The following PCDHA12 variants were observed in gnomAD, a reference collection of about 807,000 sequenced individuals.
PCDHA12 encodes protocadherin alpha-12.
Under a neutral mutation model 60.0 loss-of-function variants are expected in PCDHA12, and 44 were observed. The observed-to-expected ratio is 0.73, with a 90% CI of 0.58 to 0.94. The LOEUF is 0.94. PCDHA12 is among the 40% of genes least tolerant of loss of function. PCDHA12 has a pLI of 0.00. For missense variants in PCDHA12, 1,276 were observed against 1,239.7 expected (o/e 1.03, Z -0.44); for synonymous variants, 569 against 553.0 (o/e 1.03, Z -0.40).
Position 140,877,178 on chromosome 5 carries a change from C to A in PCDHA12, c.1706C>A (p.Pro569Gln), listed in dbSNP as rs370071106. 34 of 1,613,676 alleles carry A rather than the reference C, an allele frequency of 2.1e-5. No individual in the cohort carries two copies. Among genetic ancestry groups the A allele is most frequent in the Middle Eastern group, 1.7e-4 (1 of 6,058 alleles). ...NDNAPALLAT[P>Q]AGSAGGAVSE... ...AACGCGCCGGCACTGCTGGCGACTC[C>A]GGCTGGCAGCGCAGGAGGCGCAGTT... The change falls in exon 1 of 4, where the codon CCG (proline) becomes CAG (glutamine). Residue 569 changes from proline to glutamine, a missense_variant. Pro to Gln is a moderately conservative substitution (Grantham distance 76, BLOSUM62 -1). Coordinates refer to ENST00000398631, the MANE Select transcript of PCDHA12 (RefSeq NM_018903.4).
At chr5:140,953,124 A>G (rs1554220816) in intron 1 of PCDHA12, among the ~76,000 whole-genome samples, 1 of 152,150 alleles carries the variant, frequency 6.6e-6, no homozygotes, top group African/African-American at 2.4e-5. Flanking sequence ...ACAGATCTAA[A>G]CCGTATCACT....
At chr5:140,882,601 C>G (rs1322989069) in intron 1 of PCDHA12, 1 of 1,614,144 alleles carries the variant, frequency 6.2e-7, no homozygotes, top group Admixed American at 1.7e-5. Flanking sequence ...TGATCGTGGA[C>G]AGGCCTCTGC....
chr5:140,879,227 T>C (rs1474080938), intron 1 of PCDHA12, among the ~76,000 whole-genome samples: 5 of 152,126 alleles, frequency 3.3e-5, no homozygotes, highest in Admixed American at 6.5e-5. Flanking sequence ...GAAAAAGACA[T>C]ATACAAGAGG....
chr5:140,877,243 G>A lies in PCDHA12; in HGVS notation c.1771G>A (p.Val591Met), dbSNP rs201483899. Reference protein sequence around the residue: ...VPRSVGAGHVVAKVRAVDADS... With the variant: ...VPRSVGAGHVMAKVRAVDADS... ...GCGGTCGGTGGGTGCGGGCCACGTG[G>A]TGGCGAAAGTGCGCGCGGTGGACGC... The change falls in exon 1 of 4, where the codon GTG (valine) becomes ATG (methionine). Residue 591 changes from valine (V) to methionine (M), a missense_variant. Val to Met is a conservative substitution (Grantham distance 21). Transcript: ENST00000398631. The A allele has an allele frequency of 1.2e-5, 20 of 1,613,724 alleles. No individual in the cohort carries two copies. In the African/African-American group the frequency reaches 2.7e-4, roughly 22 times the overall value.
intron 1 of PCDHA12, among the ~76,000 whole-genome samples, chr5:140,970,092 A>C (rs1554232243): frequency 6.6e-6 from 1 of 151,978 alleles, no homozygotes; most frequent in East Asian, 1.9e-4. Context: ...GTGTGGGGGG[A>C]TGGTGAAGAC....
At chr5:140,920,923 G>C (rs1229531762) in intron 1 of PCDHA12, among the ~76,000 whole-genome samples, 5 of 151,200 alleles carry the variant, frequency 3.3e-5, no homozygotes, top group African/African-American at 1.2e-4. Flanking sequence ...TCCAAGAGTA[G>C]GTGATCTAGC....
At chr5:140,963,530 A>T (rs1031416091) in intron 1 of PCDHA12, among the ~76,000 whole-genome samples, 29 of 152,216 alleles carry the variant, frequency 1.9e-4, no homozygotes, top group African/African-American at 6.8e-4. Context: ...CAGAAGTCCC[A>T]TTTACTTCAT....
chr5:140,981,141 A>G (rs957272254), intron 2 of PCDHA12, among the ~76,000 whole-genome samples: 2 of 152,242 alleles, frequency 1.3e-5, no homozygotes, highest in African/African-American at 4.8e-5. Flanking sequence ...AAAGAGTGAG[A>G]AAACATTGAA....
At chr5:140,913,862 T>G (rs1554196081) in intron 1 of PCDHA12, among the ~76,000 whole-genome samples, 1 of 152,218 alleles carries the variant, frequency 6.6e-6, no homozygotes, top group African/African-American at 2.4e-5. Flanking sequence ...GCATATTGTT[T>G]AATTTCCATG....
In PCDHA12 at chr5:141,005,071, G is replaced by A. The variant is rs115656219; in HGVS notation, c.2516-4556G>A. On this transcript the variant is annotated intron_variant, in intron 3 of 3. Coordinates refer to ENST00000398631, the MANE Select transcript of PCDHA12 (RefSeq NM_018903.4). ...TACTGAATTCTTGCATTGTGCTAAG[G>A]ATCAAGCTTAGTACTTTACATGCAT... 5.2e-3 allele frequency among the ~76,000 whole-genome samples: 796 copies of A among 152,278 alleles called. 8 individuals are homozygous for A. The highest frequency in any genetic ancestry group is 0.018 in the African/African-American group (745 of 41,556).
intron 1 of PCDHA12, among the ~76,000 whole-genome samples, chr5:140,943,803 G>A (rs1429767850): frequency 6.6e-6 from 1 of 152,214 alleles, no homozygotes; most frequent in Non-Finnish European, 1.5e-5. Flanking sequence ...AAGCAAAAGA[G>A]GAAAGTTTGA....
At chr5:140,918,111 C>A (rs1035723043) in intron 1 of PCDHA12, among the ~76,000 whole-genome samples, 1 of 152,016 alleles carries the variant, frequency 6.6e-6, no homozygotes, top group Admixed American at 6.6e-5. Flanking sequence ...CTTTCACATC[C>A]TTGATTAGCC....
chr5:140,921,974 T>G lies in PCDHA12; in HGVS notation c.2367+44135T>G, dbSNP rs184369031. Among the ~76,000 whole-genome samples the G allele has an allele frequency of 1.1e-3, 161 of 151,826 alleles. 2 individuals are homozygous for G. The highest frequency in any genetic ancestry group is 2.1e-3 in the Non-Finnish European group (141 of 67,922). The stretch of plus-strand genomic sequence containing the variant: ...AATCCCAGAAAACCAAAGGAAAAAA[T>G]AGAACTAAAAAAGAGTTCAATGAAA... On this transcript the variant is annotated intron_variant, in intron 1 of 3. Transcript: ENST00000398631.
chr5:140,876,433 A>G lies in PCDHA12; in HGVS notation c.961A>G (p.Asn321Asp), dbSNP rs1562712994. 19 of 1,614,000 alleles carry G rather than the reference A, an allele frequency of 1.2e-5. No individual in the cohort carries two copies. The highest frequency in any genetic ancestry group is 1.6e-5 in the Non-Finnish European group (19 of 1,179,910). Residue 321 changes from asparagine to aspartate, a missense_variant, in exon 1 of 4, where the codon AAC becomes GAC. Transcript: ENST00000398631. ...EENNAYEIQV[N>D]AIDKGIPSMA... ...GAATAATGCCTATGAAATTCAGGTTAACGCCATTGATAAAGGGATTCCTTC... is the reference window on the plus strand; with the variant it reads ...GAATAATGCCTATGAAATTCAGGTTGACGCCATTGATAAAGGGATTCCTTC...
chr5:140,883,443 A>G (rs2059611817), intron 1 of PCDHA12: 1 of 1,614,136 alleles, frequency 6.2e-7, no homozygotes. Flanking sequence ...TTGACGCCGC[A>G]TGTCCCCTTC....
intron 3 of PCDHA12, among the ~76,000 whole-genome samples, chr5:141,005,485 T>C (rs57509018): frequency 5.3e-5 from 8 of 151,370 alleles, no homozygotes; most frequent in Non-Finnish European, 1.0e-4. Context: ...GGGCGGATCA[T>C]GAGGTCAGGA....
At chr5:140,883,018 G>A (rs1400637236) in intron 1 of PCDHA12, 4 of 1,614,086 alleles carry the variant, frequency 2.5e-6, no homozygotes, top group Admixed American at 1.7e-5. Flanking sequence ...ATAAAGTGAC[G>A]GTGTTAGAGA....
At chr5:140,941,523 A>T (rs1351933430) in intron 1 of PCDHA12, among the ~76,000 whole-genome samples, 1 of 151,186 alleles carries the variant, frequency 6.6e-6, no homozygotes, top group Non-Finnish European at 1.5e-5. Flanking sequence ...CACCATCTTG[A>T]CCAGGCTGGT....
rs782395968 is a variant in PCDHA12, at chr5:141,011,916, A to G, written c.*1979A>G. ...TATTATCTATTTAGGCATTAATATA[A>G]AAGAGGTAGGAGTCTGTTATTTAAA... On this transcript the variant is annotated 3_prime_UTR_variant, in exon 4 of 4. Coordinates refer to ENST00000398631, the MANE Select transcript of PCDHA12 (RefSeq NM_018903.4). 4 of 153,828 alleles carry G rather than the reference A, an allele frequency of 2.6e-5. No individual in the cohort carries two copies. The highest frequency in any genetic ancestry group is 4.4e-5 in the Non-Finnish European group (3 of 68,030). 9.5% of individuals were successfully genotyped at this position (153,828 alleles called of 1,614,324 possible). A position where few individuals can be genotyped will look rare whatever the true frequency, so the allele number is the denominator to read the frequency against.
Sources: gnomAD v4.1 joint callset for allele counts (sites outside exome capture counted in the v4.1 genomes callset) on GRCh38, gnomAD v4.1.1 for gene constraint, MANE v1.5 for transcripts, NCBI Gene and HGNC (gene_info 2026-07-23, HGNC 2026-07-21) for gene names.